Variants in BRD8 observed in about 807,000 individuals in gnomAD.
The protein encoded by BRD8 is bromodomain containing 8.
In BRD8, 67 loss-of-function variants were observed where a neutral mutation model predicts 143.1. The observed-to-expected ratio is 0.47, with a 90% CI of 0.38 to 0.57. BRD8 has a LOEUF of 0.57. Ranked by LOEUF, BRD8 falls within the 20% of genes least tolerant of loss-of-function variation. The pLI is 0.00. For synonymous variants in BRD8, 505 were observed against 517.1 expected (o/e 0.98, Z 0.32); for missense variants, 1,103 against 1,503.0 (o/e 0.73, Z 4.40).
chr5:138,152,241 C>G (rs1752402201), intron 21 of BRD8, among the ~76,000 whole-genome samples: 1 of 152,236 alleles, frequency 6.6e-6, no homozygotes. Context: ...CCACTGGCCT[C>G]AGCCTCCCAA....
chr5:138,162,226 G>T (rs1310853982), intron 15 of BRD8, 80 bp from the exon 16 acceptor site: 33 of 1,104,452 alleles, frequency 3.0e-5, no homozygotes, highest in Non-Finnish European at 1.3e-6. Flanking sequence ...TTGAGACAGG[G>T]TCTCACTCTG....
At chr5:138,176,024 C>T (rs1754304547) in intron 2 of BRD8, among the ~76,000 whole-genome samples, 1 of 151,186 alleles carries the variant, frequency 6.6e-6, no homozygotes, top group South Asian at 2.1e-4. Context: ...TTGTCCACAA[C>T]CTTGTACACG....
chr5:138,170,700 T>C, intron 6 of BRD8, 132 bp downstream of exon 6: 2 of 871,046 alleles, frequency 2.3e-6, no homozygotes, highest in Non-Finnish European at 3.7e-6. Flanking sequence ...ACCAAACCAC[T>C]TTGCAGCTTT....
At chr5:138,156,319 T>C (rs1008894576) in intron 20 of BRD8, among the ~76,000 whole-genome samples, 2 of 151,940 alleles carry the variant, frequency 1.3e-5, no homozygotes, top group African/African-American at 4.8e-5. Flanking sequence ...TTTGTATTTT[T>C]TGTAGAGACA....
chr5:138,157,294 G>A, intron 20 of BRD8: 1 of 1,613,642 alleles, frequency 6.2e-7, no homozygotes, highest in Non-Finnish European at 8.5e-7. Flanking sequence ...GAAAGAAAGG[G>A]AGCATGAGTT....
In BRD8 at chr5:138,140,823, G is replaced by T. The variant is rs372020450; in HGVS notation, c.3497C>A (p.Ala1166Asp). The stretch of plus-strand genomic sequence containing the variant: ...CAGCATCAGGTCTCGCAGGAATTGG[G>T]CCATGGTGCGAATCCGACCCTTAGA... ...NLSKGRIRTM[A>D]QFLRDLMLMF... Residue 1166 changes from alanine (A) to aspartate (D), a missense_variant, in exon 26 of 27, where the codon GCC becomes GAC. Around this residue, in one of 7 missense-constraint regions of BRD8, gnomAD observed 369 missense variants for 445.5 expected, o/e 0.83. Transcript: ENST00000254900. 6.2e-7 allele frequency: 1 copy of T among 1,614,132 alleles called. No homozygotes were observed.
intron 2 of BRD8, among the ~76,000 whole-genome samples, chr5:138,175,302 G>A (rs1025121914): frequency 1.1e-4 from 17 of 152,146 alleles, no homozygotes; most frequent in African/African-American, 4.1e-4. Context: ...CAAAAAAAAT[G>A]CTAGGAAGCA....
chr5:138,170,345 C>A lies in BRD8; in HGVS notation c.505G>T (p.Ala169Ser). The A allele has an allele frequency of 6.2e-7, 1 of 1,608,040 alleles. No individual in the cohort carries two copies. The highest frequency in any genetic ancestry group is 8.5e-7 in the Non-Finnish European group (1 of 1,174,444). The change falls in exon 7 of 27, where the codon GCT (alanine) becomes TCT (serine). Residue 169 changes from alanine to serine, a missense_variant and splice_region_variant. By Grantham distance (99) the Ala-to-Ser change is moderately conservative. Around this residue, in one of 7 missense-constraint regions of BRD8, gnomAD observed 334 missense variants for 372.5 expected, o/e 0.90. Coordinates refer to ENST00000254900, the MANE Select transcript of BRD8 (RefSeq NM_139199.2). ...KRKATDAAYQ[A>S]RQAVKTPPRR... The stretch of plus-strand genomic sequence containing the variant: ...AAGAGGCATACTAGGTTCAGCTTAC[C>A]CTGGTATGCAGCATCTGTAGCCTTC...
intron 9 of BRD8, among the ~76,000 whole-genome samples, chr5:138,167,201 G>A (rs1171229288): frequency 6.6e-6 from 1 of 151,760 alleles, no homozygotes; most frequent in African/African-American, 2.4e-5. Context: ...GCAGGAGGTG[G>A]AGATTGCAGT....
chr5:138,162,603 G>A (rs914450453), intron 15 of BRD8, among the ~76,000 whole-genome samples: 4 of 152,120 alleles, frequency 2.6e-5, no homozygotes, highest in Non-Finnish European at 5.9e-5. Flanking sequence ...TGCTTTGGGA[G>A]GTCAAGGCAA....
chr5:138,148,586 C>T (rs1752256524), intron 23 of BRD8, among the ~76,000 whole-genome samples: 1 of 152,014 alleles, frequency 6.6e-6, no homozygotes, highest in Non-Finnish European at 1.5e-5. Context: ...CCAGGCTAGT[C>T]TCAAAATCCT....
chr5:138,157,193 G>T, intron 20 of BRD8: 1 of 1,612,610 alleles, frequency 6.2e-7, no homozygotes, highest in Non-Finnish European at 8.5e-7. Flanking sequence ...GCTCAAAGAG[G>T]GTAACTCTGA....
rs376002557 is a variant in BRD8 at position 138,145,173 on chromosome 5, T to C, written c.3437+4A>G. On this transcript the variant is annotated splice_donor_region_variant and intron_variant, in intron 25 of 26. Coordinates refer to ENST00000254900, the MANE Select transcript of BRD8 (RefSeq NM_139199.2). ...CAACCTTTCTTGACCCCTTTTTCAC[T>C]GACCTTTTCACCACATCCTTGTACC... 1.9e-6 allele frequency: 3 copies of C among 1,612,100 alleles called. No homozygotes were observed. The highest frequency in any genetic ancestry group is 1.3e-5 in the African/African-American group (1 of 74,804).
At chr5:138,159,457 CCACAGTCTG>C in intron 20 of BRD8, 89 bp downstream of exon 20, 1 of 1,279,346 alleles carries the variant, frequency 7.8e-7, no homozygotes, top group Non-Finnish European at 1.1e-6. Context: ...CAAGACACTG[CCACAGTCTG>C]CATGTTGGAT....
At chr5:138,176,618 G>T (rs568836292) in intron 2 of BRD8, among the ~76,000 whole-genome samples, 7 of 152,130 alleles carry the variant, frequency 4.6e-5, no homozygotes, top group Non-Finnish European at 2.9e-5. Context: ...CTTGCTTGGG[G>T]GTGGTGAGGA....
chr5:138,175,494 G>A (rs1339215932), intron 2 of BRD8, among the ~76,000 whole-genome samples: 1 of 151,848 alleles, frequency 6.6e-6, no homozygotes, highest in Non-Finnish European at 1.5e-5. Flanking sequence ...AAGGTGGGAG[G>A]ATCACTTGAG....
chr5:138,171,375 G>C lies in BRD8; in HGVS notation c.222C>G (p.Thr74=). ...CASQYSELLE[T]TETPKRKRGE... ...TTTGTACTCACTTTGGTGTCTCAGT[G>C]GTCTCTAAAAGCTCCGAGTACTGGG... is the stretch of plus-strand genomic sequence containing the variant. The change falls in exon 4 of 27, where the codon ACC becomes ACG. Residue 74 remains threonine, a synonymous_variant. Transcript: ENST00000254900. 1 of 1,603,274 alleles carries C rather than the reference G, an allele frequency of 6.2e-7. No individual in the cohort carries two copies. Among genetic ancestry groups the C allele is most frequent in the Non-Finnish European group, 8.5e-7 (1 of 1,177,080 alleles).
At position 138,165,977 on chromosome 5, in the gene BRD8, C is replaced by A. The variant is rs1363381626; in HGVS notation, c.1129G>T (p.Ala377Ser). ...GCCTTTGATCCAACAGGAGCCTCTG[C>A]TACCCCTGATCGAAAACACTCTTCT... Reference protein sequence around the residue: ...IKEECFRSGVAEAPVGSKAPS... With the variant: ...IKEECFRSGVSEAPVGSKAPS... Residue 377 changes from alanine to serine, a missense_variant, in exon 11 of 27, where the codon GCA becomes TCA. By Grantham distance (99) the Ala-to-Ser change is moderately conservative (BLOSUM62 1). Around this residue, in one of 7 missense-constraint regions of BRD8, gnomAD observed 334 missense variants for 372.5 expected, o/e 0.90. Coordinates refer to ENST00000254900, the MANE Select transcript of BRD8 (RefSeq NM_139199.2). The A allele has an allele frequency of 2.5e-6, 4 of 1,614,182 alleles. No individual in the cohort carries two copies. Among genetic ancestry groups the A allele is most frequent in the Non-Finnish European group, 3.4e-6 (4 of 1,180,036 alleles).
rs372091211 is a variant in BRD8, at chr5:138,156,328, CAG to C, written c.2577+3225_2577+3226del. On this transcript the variant is annotated intron_variant, in intron 20 of 26. Transcript: ENST00000254900. Reference sequence around the variant, plus strand: ...CTAATTTTTGTATTTTTTGTAGAGACAGAGTTTCACCATATTGGCCAGGCTGG... The same window carrying C: ...CTAATTTTTGTATTTTTTGTAGAGACAGTTTCACCATATTGGCCAGGCTGG... Among the ~76,000 whole-genome samples, 1,081 of 152,066 alleles carry C rather than the reference CAG, an allele frequency of 7.1e-3. 14 individuals carry two copies. The highest frequency in any genetic ancestry group is 0.025 in the African/African-American group (1,016 of 41,466).
Sources: gnomAD v4.1 joint callset for allele counts (sites outside exome capture counted in the v4.1 genomes callset) on GRCh38, gnomAD v4.1.1 for gene constraint, gnomAD v4.1.1 regional missense constraint, MANE v1.5 for transcripts, NCBI Gene and HGNC (gene_info 2026-07-23, HGNC 2026-07-21) for gene names.